CHODL: variants seen among roughly 807,000 people sequenced by gnomAD.
CHODL encodes chondrolectin, also known as transmembrane protein MT75.
Under a neutral mutation model 34.5 loss-of-function variants are expected in CHODL, and 29 were observed. The observed-to-expected ratio is 0.84, with a 90% confidence interval of 0.63 to 1.15. The LOEUF (loss-of-function observed/expected upper bound fraction) is 1.15. Ranked by LOEUF, CHODL falls within the 50% of genes most tolerant of loss-of-function variation. CHODL has a pLI of 0.00. For missense variants in CHODL, 332 were observed against 332.5 expected (o/e 1.00, Z 0.01); for synonymous variants, 125 against 116.1 (o/e 1.08, Z -0.49).
chr21:17,952,404 C>T (rs986409400), intron 1 of CHODL, among the ~76,000 whole-genome samples: 1 of 151,966 alleles, frequency 6.6e-6, no homozygotes, highest in African/African-American at 2.4e-5. Context: ...GTCTTTTCCT[C>T]TGCAATAATG....
At chr21:18,013,562 T>C (rs2064039397) in intron 1 of CHODL, among the ~76,000 whole-genome samples, 1 of 151,668 alleles carries the variant, frequency 6.6e-6, no homozygotes, top group Non-Finnish European at 1.5e-5. Context: ...TATTTTGTTT[T>C]CTTTATTGTG....
chr21:18,178,733 AGAG>A (rs1482007861), intron 2 of CHODL, among the ~76,000 whole-genome samples: 1 of 152,198 alleles, frequency 6.6e-6, no homozygotes, highest in Non-Finnish European at 1.5e-5. Context: ...AGGAGGAAGA[AGAG>A]GAGAAGGGGT....
intron 2 of CHODL, among the ~76,000 whole-genome samples, chr21:18,084,941 G>T (rs1165784390): frequency 1.3e-5 from 2 of 151,640 alleles, no homozygotes; most frequent in Non-Finnish European, 2.9e-5. Context: ...GTGTGTGTGT[G>T]TGTGTGTGTG....
intron 2 of CHODL, among the ~76,000 whole-genome samples, chr21:18,028,457 G>A (rs941222077): frequency 5.9e-5 from 9 of 151,894 alleles, no homozygotes; most frequent in African/African-American, 1.9e-4. Flanking sequence ...AGCACTTTGG[G>A]AGGCCAAGGT....
intron 2 of CHODL, among the ~76,000 whole-genome samples, chr21:18,167,314 T>A (rs1302098088): frequency 6.8e-6 from 1 of 147,176 alleles, no homozygotes; most frequent in Non-Finnish European, 1.5e-5. Context: ...TTAAGATTTT[T>A]TTTTTTTTTT....
intron 1 of CHODL, among the ~76,000 whole-genome samples, chr21:17,952,906 G>C (rs113962130): frequency 6.6e-6 from 1 of 152,092 alleles, no homozygotes; most frequent in African/African-American, 2.4e-5. Context: ...ATCTTACATG[G>C]CAGCAGGAGA....
At chr21:18,177,401 T>C (rs2073329277) in intron 2 of CHODL, among the ~76,000 whole-genome samples, 1 of 152,130 alleles carries the variant, frequency 6.6e-6, no homozygotes, top group Admixed American at 6.5e-5. Flanking sequence ...CTTTCCTTTA[T>C]ATAGATATTT....
chr21:18,179,248 C>A (rs1343877481), intron 2 of CHODL, among the ~76,000 whole-genome samples: 7 of 152,110 alleles, frequency 4.6e-5, no homozygotes, highest in Admixed American at 2.6e-4. Flanking sequence ...TCCACTTGCC[C>A]TTTGACCCAC....
intron 2 of CHODL, among the ~76,000 whole-genome samples, chr21:18,177,023 G>A (rs1345270634): frequency 6.6e-6 from 1 of 151,978 alleles, no homozygotes; most frequent in Non-Finnish European, 1.5e-5. Flanking sequence ...AGAGTCTTGA[G>A]CTATGAGGTT....
intron 2 of CHODL, among the ~76,000 whole-genome samples, chr21:18,092,130 C>T (rs868352562): frequency 7.9e-5 from 12 of 152,122 alleles, no homozygotes; most frequent in South Asian, 6.2e-4. Flanking sequence ...ATGCTTACAT[C>T]ATCACACCCC....
chr21:18,040,298 T>G (rs991111546), intron 2 of CHODL, among the ~76,000 whole-genome samples: 7 of 151,864 alleles, frequency 4.6e-5, no homozygotes, highest in African/African-American at 1.7e-4. Context: ...CCCTTCACTC[T>G]GTATTATCTT....
chr21:17,997,363 G>T (rs1743954894), intron 1 of CHODL, among the ~76,000 whole-genome samples: 1 of 152,174 alleles, frequency 6.6e-6, no homozygotes, highest in South Asian at 2.1e-4. Context: ...GTGTGTTTCT[G>T]ATTCCTCCAG....
At chr21:18,256,871 G>A (rs2074323219) in intron 2 of CHODL, 53 bp downstream of exon 2, 5 of 1,586,980 alleles carry the variant, frequency 3.2e-6, no homozygotes, top group African/African-American at 1.3e-5. Flanking sequence ...TCCAAAGATA[G>A]AGGGAGGACT....
intron 2 of CHODL, among the ~76,000 whole-genome samples, chr21:18,045,441 C>T (rs1002561574): frequency 1.3e-5 from 2 of 151,770 alleles, no homozygotes; most frequent in South Asian, 2.1e-4. Flanking sequence ...AAGGAGGAGG[C>T]CATATGAAGG....
At chr21:18,246,368 A>G (rs2074141888) in intron 1 of CHODL, among the ~76,000 whole-genome samples, 1 of 152,226 alleles carries the variant, frequency 6.6e-6, no homozygotes, top group African/African-American at 2.4e-5. Context: ...GTAGAAATAG[A>G]TGACAGATGA....
chr21:18,184,402 T>C (rs1175507262), intron 2 of CHODL, among the ~76,000 whole-genome samples: 2 of 152,130 alleles, frequency 1.3e-5, no homozygotes, highest in East Asian at 3.8e-4. Flanking sequence ...TTGAGAAAAA[T>C]CAAGTTAAAA....
chr21:18,131,317 A>G (rs1284456885), intron 2 of CHODL, among the ~76,000 whole-genome samples: 2 of 152,018 alleles, frequency 1.3e-5, no homozygotes, highest in Non-Finnish European at 2.9e-5. Context: ...TCTGGGGGGG[A>G]CACAAATATT....
intron 1 of CHODL, among the ~76,000 whole-genome samples, chr21:17,998,824 C>T (rs957119041): frequency 2.0e-5 from 3 of 152,220 alleles, no homozygotes; most frequent in African/African-American, 4.8e-5. Context: ...CCTCCTAGGC[C>T]TCCAGGCCTG....
chr21:18,128,737 T>C (rs896267892), intron 2 of CHODL, among the ~76,000 whole-genome samples: 10 of 152,170 alleles, frequency 6.6e-5, no homozygotes, highest in African/African-American at 9.6e-5. Flanking sequence ...CTGTTTTTTT[T>C]CTCCGTTTTG....
Sources: allele counts gnomAD v4.1 joint callset (sites outside exome capture counted in the v4.1 genomes callset), GRCh38; gene constraint gnomAD v4.1.1; transcripts MANE v1.5; gene names NCBI Gene and HGNC (gene_info 2026-07-23, HGNC 2026-07-21).